The following SNAP25 variants were observed in gnomAD, a reference collection of about 807,000 sequenced individuals.
SNAP25 encodes the protein synaptosome associated protein 25.
In SNAP25, 3 loss-of-function variants were observed where a neutral mutation model predicts 28.7. That is an observed-to-expected ratio of 0.10 (90% CI 0.05 to 0.27). The LOEUF (loss-of-function observed/expected upper bound fraction) is 0.27, where lower values mean the gene tolerates loss of function less well. Ranked by LOEUF, SNAP25 falls within the 10% of genes least tolerant of loss-of-function variation. The pLI is 1.00. For missense variants in SNAP25, 117 were observed against 278.7 expected (o/e 0.42, Z 4.13); for synonymous variants, 61 against 88.1 (o/e 0.69, Z 1.72).
Position 10,306,407 on chromosome 20 carries a change from G to T in SNAP25, c.*210G>T. 2 of 461,508 alleles carry T rather than the reference G, an allele frequency of 4.3e-6. No individual in the cohort carries two copies. Among genetic ancestry groups the T allele is most frequent in the South Asian group, 4.5e-5 (1 of 22,320 alleles). 28.6% of individuals were successfully genotyped at this position (461,508 alleles called of 1,614,324 possible). ...TCTTTCTTTCCAAAGGTTGTACATA[G>T]TGGTCATTTGGTGGCTCTAACTCCT... On this transcript the variant is annotated 3_prime_UTR_variant, in exon 8 of 8. Transcript: ENST00000254976.
chr20:10,273,832 A>T (rs1196524171), intron 1 of SNAP25, among the ~76,000 whole-genome samples: 5 of 152,164 alleles, frequency 3.3e-5, no homozygotes, highest in Non-Finnish European at 7.4e-5. Flanking sequence ...CAAATGTGCT[A>T]CTCACAGAGA....
chr20:10,232,234 G>A (rs1047590193), intron 1 of SNAP25, among the ~76,000 whole-genome samples: 1 of 152,156 alleles, frequency 6.6e-6, no homozygotes, highest in African/African-American at 2.4e-5. Flanking sequence ...TATGGAAAAG[G>A]AACTGACAAT....
At chr20:10,242,671 G>A (rs1033604596) in intron 1 of SNAP25, among the ~76,000 whole-genome samples, 1 of 152,140 alleles carries the variant, frequency 6.6e-6, no homozygotes, top group Admixed American at 6.5e-5. Context: ...GCTAACAGGA[G>A]GCCTGTTACA....
intron 1 of SNAP25, among the ~76,000 whole-genome samples, chr20:10,257,261 T>C (rs1413247099): frequency 6.6e-6 from 1 of 152,204 alleles, no homozygotes; most frequent in African/African-American, 2.4e-5. Context: ...TAAATATTTA[T>C]TTAGCCTTCC....
intron 6 of SNAP25, 52 bp downstream of exon 6, chr20:10,297,102 C>CAACT: frequency 6.7e-7 from 1 of 1,494,170 alleles, no homozygotes; most frequent in South Asian, 1.4e-5. Flanking sequence ...CAAGTACAAA[C>CAACT]AACTCCAAAA....
At chr20:10,297,589 TA>T (rs2064140846) in intron 6 of SNAP25, among the ~76,000 whole-genome samples, 19 of 152,204 alleles carry the variant, frequency 1.2e-4, no homozygotes, top group South Asian at 1.0e-3. Flanking sequence ...GTTACCACCA[TA>T]GTCCTGGGGG....
At chr20:10,261,751 A>G (rs950068225) in intron 1 of SNAP25, among the ~76,000 whole-genome samples, 2 of 152,218 alleles carry the variant, frequency 1.3e-5, no homozygotes, top group African/African-American at 4.8e-5. Flanking sequence ...GCGTGCATTT[A>G]TGCCTAAATT....
At chr20:10,262,331 G>A (rs1051675717) in intron 1 of SNAP25, among the ~76,000 whole-genome samples, 19 of 152,124 alleles carry the variant, frequency 1.2e-4, no homozygotes, top group Non-Finnish European at 2.1e-4. Context: ...GGGACTTAAA[G>A]ATTCAGGCTC....
chr20:10,278,935 T>C (rs942403068), intron 3 of SNAP25, among the ~76,000 whole-genome samples: 1 of 5,178 alleles, frequency 1.9e-4, no homozygotes, highest in Non-Finnish European at 4.1e-4. Context: ...GGGCGGGGGG[T>C]GGGAGGGTGG....
intron 1 of SNAP25, among the ~76,000 whole-genome samples, chr20:10,237,790 A>T (rs1009121955): frequency 6.6e-6 from 1 of 152,212 alleles, no homozygotes; most frequent in African/African-American, 2.4e-5. Context: ...CAAAGCTGAG[A>T]TTCCCATCCA....
chr20:10,255,583 A>G (rs363018), intron 1 of SNAP25, among the ~76,000 whole-genome samples: 55,761 of 152,078 alleles, frequency 0.37, 11,044 homozygotes, highest in Middle Eastern at 0.53. Context: ...AAGAAAGCTA[A>G]TAAAGAGTAC....
chr20:10,270,118 T>C lies in SNAP25; in HGVS notation c.-63-5311T>C, dbSNP rs568890084. ...AAAATACAAAATTAGCCTGGCGTGG[T>C]GGTGCATGCCTGTAATCCCAGCTAC... On this transcript the variant is annotated intron_variant, in intron 1 of 7. Transcript: ENST00000254976. 1.3e-4 allele frequency among the ~76,000 whole-genome samples: 20 copies of C among 152,032 alleles called. No individual in the cohort carries two copies. The East Asian group carries it at 2.5e-3, about 19-fold the overall frequency.
intron 1 of SNAP25, among the ~76,000 whole-genome samples, chr20:10,260,938 A>G (rs1169050205): frequency 6.6e-6 from 1 of 151,974 alleles, no homozygotes; most frequent in Non-Finnish European, 1.5e-5. Context: ...TCCTGATATA[A>G]CTCTTTCAAA....
intron 1 of SNAP25, among the ~76,000 whole-genome samples, chr20:10,258,752 C>G (rs1427393966): frequency 1.3e-5 from 2 of 152,234 alleles, no homozygotes; most frequent in Non-Finnish European, 2.9e-5. Flanking sequence ...TTTTACCAAT[C>G]AGTCTTCTGC....
At chr20:10,294,889 A>T (rs895139894) in intron 5 of SNAP25, among the ~76,000 whole-genome samples, 4 of 152,026 alleles carry the variant, frequency 2.6e-5, no homozygotes, top group Non-Finnish European at 5.9e-5. Flanking sequence ...TGAGATTTCC[A>T]TCCATTTCAT....
intron 1 of SNAP25, among the ~76,000 whole-genome samples, chr20:10,242,403 C>A (rs1043263761): frequency 2.0e-5 from 3 of 152,090 alleles, no homozygotes; most frequent in Admixed American, 2.0e-4. Context: ...TTAGAAACTC[C>A]CAGTAGGGGA....
chr20:10,245,554 A>C (rs888001681), intron 1 of SNAP25, among the ~76,000 whole-genome samples: 4 of 152,196 alleles, frequency 2.6e-5, no homozygotes, highest in Non-Finnish European at 5.9e-5. Flanking sequence ...GGTCTAAAAA[A>C]AGTTTTGTTT....
At chr20:10,235,267 A>C (rs2062898592) in intron 1 of SNAP25, among the ~76,000 whole-genome samples, 2 of 152,168 alleles carry the variant, frequency 1.3e-5, no homozygotes. Flanking sequence ...AAATAAATAC[A>C]TGGGGACTAT....
chr20:10,273,135 T>C (rs1037434876), intron 1 of SNAP25, among the ~76,000 whole-genome samples: 5 of 149,906 alleles, frequency 3.3e-5, no homozygotes, highest in Non-Finnish European at 7.4e-5. Flanking sequence ...TCCCAATGAG[T>C]ATGTTCCTGA....
Sources: allele counts gnomAD v4.1 joint callset (sites outside exome capture counted in the v4.1 genomes callset), GRCh38; gene constraint gnomAD v4.1.1; transcripts MANE v1.5; gene names NCBI Gene and HGNC (gene_info 2026-07-23, HGNC 2026-07-21).